Variants in COMMD1 observed in about 807,000 individuals in gnomAD.
COMMD1 encodes the protein COMM domain-containing protein 1.
Under a neutral mutation model 17.2 loss-of-function variants are expected in COMMD1, and 10 were observed. The ratio of observed to expected loss-of-function variants is 0.58; its 90% CI spans 0.36 to 0.99. COMMD1 has a LOEUF of 0.99. Ranked by LOEUF, COMMD1 falls within the 50% of genes least tolerant of loss-of-function variation. The pLI, the probability that COMMD1 is intolerant of heterozygous loss-of-function variation, is 0.01. For missense variants in COMMD1, 270 were observed against 231.8 expected (o/e 1.17, Z -1.07); for synonymous variants, 97 against 91.6 (o/e 1.06, Z -0.34).
rs1036996199 is a variant in COMMD1 at position 62,053,916 on chromosome 2, C to T, written c.462+52934C>T. On this transcript the variant is annotated intron_variant, in intron 2 of 2. Transcript: ENST00000311832. ...AATAACCCACAGAGTAAAGAGACAA[C>T]CTGTTGAATGGAAGAAAATATTTGC... is the stretch of plus-strand genomic sequence containing the variant. 2.0e-5 allele frequency among the ~76,000 whole-genome samples: 3 copies of T among 152,230 alleles called. No homozygotes were observed. The East Asian group carries it at 5.8e-4, about 29-fold the overall frequency.
At chr2:62,048,684 T>A (rs1174712486) in intron 2 of COMMD1, among the ~76,000 whole-genome samples, 1 of 151,990 alleles carries the variant, frequency 6.6e-6, no homozygotes, top group East Asian at 1.9e-4. Context: ...CAGATTTTTT[T>A]CTCGTTTTTT....
chr2:62,020,431 TTTTTTG>T (rs1669579976), intron 2 of COMMD1, among the ~76,000 whole-genome samples: 1 of 152,220 alleles, frequency 6.6e-6, no homozygotes, highest in Admixed American at 6.5e-5. Context: ...AAGTAGGCTT[TTTTTTG>T]CAGCTGTGTA....
At chr2:61,981,233 A>G (rs1573028059) in intron 1 of COMMD1, among the ~76,000 whole-genome samples, 1 of 152,330 alleles carries the variant, frequency 6.6e-6, no homozygotes, top group Middle Eastern at 3.4e-3. Context: ...TGCCCAGTCC[A>G]ATGGCCTGAA....
At chr2:62,069,365 A>C (rs2103957492) in intron 2 of COMMD1, 1 of 152,340 alleles carries the variant, frequency 6.6e-6, no homozygotes, top group East Asian at 1.9e-4. Context: ...AAAGAGGCAA[A>C]TATGGGAGAT....
intron 2 of COMMD1, among the ~76,000 whole-genome samples, chr2:62,121,826 C>CT (rs1672758057): frequency 6.6e-6 from 1 of 152,116 alleles, no homozygotes; most frequent in Non-Finnish European, 1.5e-5. Context: ...GGATCTCACT[C>CT]TGTCACCCAG....
chr2:62,060,132 C>T lies in COMMD1; in HGVS notation c.462+59150C>T, dbSNP rs143022650. Among the ~76,000 whole-genome samples, 686 of 152,116 alleles carry T rather than the reference C, an allele frequency of 4.5e-3. 4 individuals carry two copies. Among genetic ancestry groups the T allele is most frequent in the Middle Eastern group, 0.017 (5 of 294 alleles). On this transcript the variant is annotated intron_variant, in intron 2 of 2. Coordinates refer to ENST00000311832, the MANE Select transcript of COMMD1 (RefSeq NM_152516.4). ...TTGCCTGAGCTCAGGAGTTCCAGACCGGCTTAGGCAACATGGTGAAACCCT... is the reference window on the plus strand; with the variant it reads ...TTGCCTGAGCTCAGGAGTTCCAGACTGGCTTAGGCAACATGGTGAAACCCT...
At chr2:61,936,189 G>T (rs778292889) in intron 1 of COMMD1, among the ~76,000 whole-genome samples, 1 of 151,982 alleles carries the variant, frequency 6.6e-6, no homozygotes, top group Admixed American at 6.6e-5. Context: ...ACCTATTAGC[G>T]TCTCTGGTAG....
chr2:62,047,784 T>G (rs957160206), intron 2 of COMMD1, among the ~76,000 whole-genome samples: 8 of 152,182 alleles, frequency 5.3e-5, no homozygotes, highest in African/African-American at 1.9e-4. Context: ...TCAAAATCTT[T>G]TTATACTGTA....
At chr2:62,101,345 C>T (rs1006062273) in intron 2 of COMMD1, among the ~76,000 whole-genome samples, 5 of 152,136 alleles carry the variant, frequency 3.3e-5, no homozygotes, top group Non-Finnish European at 7.4e-5. Context: ...CATGGTGGCT[C>T]ACACCTGTAA....
intron 1 of COMMD1, among the ~76,000 whole-genome samples, chr2:61,974,186 C>G (rs1671727647): frequency 6.6e-6 from 1 of 152,102 alleles, no homozygotes; most frequent in Admixed American, 6.5e-5. Flanking sequence ...CCCAGCTACT[C>G]AGGAGTCCAA....
At chr2:61,930,967 T>C (rs1670451627) in intron 1 of COMMD1, among the ~76,000 whole-genome samples, 1 of 152,302 alleles carries the variant, frequency 6.6e-6, no homozygotes, top group East Asian at 1.9e-4. Context: ...TCATGGCTTA[T>C]TGTGACTGTC....
intron 2 of COMMD1, among the ~76,000 whole-genome samples, chr2:62,098,355 A>G (rs1296948184): frequency 6.6e-6 from 1 of 151,770 alleles, no homozygotes; most frequent in East Asian, 1.9e-4. Flanking sequence ...ACAGGGTTTC[A>G]CCATATTGGC....
At chr2:61,888,455 C>A, upstream of COMMD1, 1 of 1,611,580 alleles carries the variant, frequency 6.2e-7, no homozygotes, top group Non-Finnish European at 8.5e-7. Flanking sequence ...TTTCCCGCGG[C>A]CGCCGGCAGC....
intron 1 of COMMD1, among the ~76,000 whole-genome samples, chr2:61,969,946 A>G (rs1347214833): frequency 6.6e-6 from 1 of 151,904 alleles, no homozygotes; most frequent in Non-Finnish European, 1.5e-5. Flanking sequence ...AAAAAGAGTT[A>G]TTTCCAAGCA....
At chr2:62,047,767 T>TAAAA (rs1225405911) in intron 2 of COMMD1, among the ~76,000 whole-genome samples, 1 of 152,188 alleles carries the variant, frequency 6.6e-6, no homozygotes, top group Admixed American at 6.5e-5. Flanking sequence ...AATGCCCTTT[T>TAAAA]ACCATTTCAA....
At chr2:61,906,524 C>T (rs2105171075) in intron 1 of COMMD1, among the ~76,000 whole-genome samples, 1 of 152,254 alleles carries the variant, frequency 6.6e-6, no homozygotes, top group East Asian at 1.9e-4. Flanking sequence ...GTATTTTACA[C>T]TTAAAGCACA....
chr2:62,101,331 C>T (rs894363854), intron 2 of COMMD1, among the ~76,000 whole-genome samples: 2 of 152,146 alleles, frequency 1.3e-5, no homozygotes, highest in Non-Finnish European at 2.9e-5. Context: ...GAGTCCCTGC[C>T]AGGCATGGTG....
intron 2 of COMMD1, among the ~76,000 whole-genome samples, chr2:62,010,629 A>AT (rs1208457733): frequency 6.6e-6 from 1 of 151,980 alleles, no homozygotes; most frequent in African/African-American, 2.4e-5. Context: ...TTCCCCCTGC[A>AT]TTTTTTCTCA....
chr2:62,092,340 G>A (rs1275908540), intron 2 of COMMD1, among the ~76,000 whole-genome samples: 1 of 152,194 alleles, frequency 6.6e-6, no homozygotes, highest in African/African-American at 2.4e-5. Flanking sequence ...TGAGGACTGG[G>A]CCTGGTCCAG....
Sources: gnomAD v4.1 joint callset for allele counts (sites outside exome capture counted in the v4.1 genomes callset) on GRCh38, gnomAD v4.1.1 for gene constraint, MANE v1.5 for transcripts, NCBI Gene and HGNC (gene_info 2026-07-23, HGNC 2026-07-21) for gene names.